FUT8: variants seen among roughly 807,000 people sequenced by gnomAD.
FUT8 encodes fucosyltransferase 8.
FUT8 carries 29 observed loss-of-function variants against 71.3 expected under a neutral mutation model. The observed-to-expected ratio is 0.41, with a 90% CI of 0.30 to 0.55. The LOEUF is 0.55. FUT8 is among the 20% of genes least tolerant of loss of function. The probability of loss-of-function intolerance (pLI) is 0.34; values close to 1 mark genes in which losing one functional copy is unlikely to be tolerated. For missense variants in FUT8, 544 were observed against 702.1 expected, an observed-to-expected ratio of 0.77 and a Z score of 2.55; for synonymous variants, 254 against 239.3, an observed-to-expected ratio of 1.06 and a Z score of -0.57.
intron 2 of FUT8, chr14:65,471,164 T>C: frequency 6.9e-6 from 2 of 288,326 alleles, no homozygotes; most frequent in Non-Finnish European, 6.9e-6. Context: ...ACTATAGAAC[T>C]TTCCCCCTCA....
At chr14:65,731,897 T>A (rs1895999733) in intron 9 of FUT8, among the ~76,000 whole-genome samples, 1 of 152,230 alleles carries the variant, frequency 6.6e-6, no homozygotes, top group African/African-American at 2.4e-5. Context: ...TTTGTTTCAC[T>A]GAGCATCCAA....
intron 2 of FUT8, among the ~76,000 whole-genome samples, chr14:65,527,961 T>TG (rs1248837301): frequency 6.6e-6 from 1 of 152,116 alleles, no homozygotes; most frequent in Non-Finnish European, 1.5e-5. Context: ...CTGCCCCTAC[T>TG]GGGGGGTGCC....
intron 7 of FUT8, among the ~76,000 whole-genome samples, chr14:65,705,221 G>A (rs1397065982): frequency 6.6e-6 from 1 of 152,144 alleles, no homozygotes; most frequent in Non-Finnish European, 1.5e-5. Flanking sequence ...TCAAGTCCAA[G>A]AAGAGATCTC....
intron 6 of FUT8, among the ~76,000 whole-genome samples, chr14:65,649,699 T>G (rs1423244024): frequency 6.6e-6 from 1 of 152,228 alleles, no homozygotes; most frequent in Non-Finnish European, 1.5e-5. Flanking sequence ...CTATGAGAGT[T>G]CATTTCAAAT....
intron 2 of FUT8, among the ~76,000 whole-genome samples, chr14:65,524,821 A>G (rs1021444195): frequency 1.3e-5 from 2 of 152,156 alleles, no homozygotes; most frequent in Admixed American, 6.5e-5. Flanking sequence ...TTCTGCATCT[A>G]TTGAGATAAT....
At chr14:65,663,983 A>C (rs576900404) in intron 6 of FUT8, among the ~76,000 whole-genome samples, 44 of 152,258 alleles carry the variant, frequency 2.9e-4, no homozygotes, top group African/African-American at 4.6e-4. Context: ...AAGAAGAAGA[A>C]GACTAACATA....
At chr14:65,676,068 A>G (rs1892703842) in intron 7 of FUT8, among the ~76,000 whole-genome samples, 2 of 152,188 alleles carry the variant, frequency 1.3e-5, no homozygotes, top group Non-Finnish European at 2.9e-5. Context: ...TCCAAATTTC[A>G]AAACATTACC....
chr14:65,414,587 G>C (rs2065192036), intron 1 of FUT8, among the ~76,000 whole-genome samples: 1 of 152,188 alleles, frequency 6.6e-6, no homozygotes, highest in Non-Finnish European at 1.5e-5. Context: ...AAATACTACA[G>C]TAGTATTGAA....
At position 65,631,839 on chromosome 14, in the gene FUT8, C is replaced by T. The variant is rs577709416; in HGVS notation, c.597+2233C>T. ...CTGCACCCTATTTGTAGTCTTTCAT[C>T]GCTCGCTCCCCTCCCACCCGTCCCT... is the stretch of plus-strand genomic sequence containing the variant. On this transcript the variant is annotated intron_variant, in intron 6 of 10. Transcript: ENST00000673929. Among the ~76,000 whole-genome samples, 6 of 152,216 alleles carry T rather than the reference C, an allele frequency of 3.9e-5. 1 individual carries two copies. Among genetic ancestry groups the T allele is most frequent in the South Asian group, 2.1e-4 (1 of 4,816 alleles).
chr14:65,593,990 A>G lies in FUT8; in HGVS notation c.204-21988A>G, dbSNP rs112873494. Among the ~76,000 whole-genome samples the G allele has an allele frequency of 2.7e-3, 416 of 152,368 alleles. 3 individuals are homozygous for G. The highest frequency in any genetic ancestry group is 9.4e-3 in the African/African-American group (389 of 41,598). Reference sequence around the variant, plus strand: ...CTCCCAAAGTGCTGGGATTACAGGCATGAGCCACTGCTCCCGGCCTAAGAT... The same window carrying G: ...CTCCCAAAGTGCTGGGATTACAGGCGTGAGCCACTGCTCCCGGCCTAAGAT... On this transcript the variant is annotated intron_variant, in intron 3 of 10. Coordinates refer to ENST00000673929, the MANE Select transcript of FUT8 (RefSeq NM_001371533.1).
At chr14:65,721,393 A>G (rs1023379003) in intron 7 of FUT8, among the ~76,000 whole-genome samples, 21 of 152,224 alleles carry the variant, frequency 1.4e-4, no homozygotes, top group Non-Finnish European at 2.8e-4. Flanking sequence ...ATGAAAAGCT[A>G]GAAGTTTCGA....
chr14:65,450,661 G>T (rs1166508741), intron 1 of FUT8, among the ~76,000 whole-genome samples: 1 of 151,936 alleles, frequency 6.6e-6, no homozygotes, highest in African/African-American at 2.4e-5. Flanking sequence ...CTAAAATGGG[G>T]TTTTTCTTAC....
At chr14:65,526,450 G>T (rs560306620) in intron 2 of FUT8, among the ~76,000 whole-genome samples, 1 of 152,000 alleles carries the variant, frequency 6.6e-6, no homozygotes, top group Non-Finnish European at 1.5e-5. Flanking sequence ...TTGAGCCTAC[G>T]TGTGTCTCTT....
rs886576750 is a variant in FUT8 at position 65,433,035 on chromosome 14, C to T, written c.-326+19821C>T. ...CCTCTCTTGGGATCTGGATTAGGAC[C>T]CCTTTCCTGTAACATGTTTCTCTGT... On this transcript the variant is annotated intron_variant, in intron 1 of 10. Transcript: ENST00000673929. 2.6e-5 allele frequency among the ~76,000 whole-genome samples: 4 copies of T among 152,072 alleles called. 1 individual carries two copies. Among genetic ancestry groups the T allele is most frequent in the Non-Finnish European group, 5.9e-5 (4 of 68,030 alleles).
At chr14:65,629,723 A>G (rs2140262519) in intron 6 of FUT8, 117 bp downstream of exon 6, 2 of 673,440 alleles carry the variant, frequency 3.0e-6, no homozygotes, top group East Asian at 5.5e-5. Flanking sequence ...CAGTACTCAC[A>G]CATTTTACAT....
At chr14:65,528,832 A>G (rs1883719020) in intron 2 of FUT8, 1 of 152,188 alleles carries the variant, frequency 6.6e-6, no homozygotes, top group Non-Finnish European at 1.5e-5. Flanking sequence ...AATTTAATTT[A>G]GATATCATCA....
At chr14:65,500,564 C>T (rs192465967) in intron 2 of FUT8, among the ~76,000 whole-genome samples, 99 of 152,310 alleles carry the variant, frequency 6.5e-4, no homozygotes, top group African/African-American at 2.2e-3. Context: ...AACTCTTAAA[C>T]TGGAAGGCAG....
At chr14:65,710,016 A>C (rs1894736528) in intron 7 of FUT8, among the ~76,000 whole-genome samples, 1 of 152,174 alleles carries the variant, frequency 6.6e-6, no homozygotes, top group African/African-American at 2.4e-5. Context: ...TCTCTTTTTC[A>C]GTTGGTTTCA....
chr14:65,455,594 A>G (rs943274076), intron 1 of FUT8, 27 bp from the exon 2 acceptor site: 1 of 398,022 alleles, frequency 2.5e-6, no homozygotes, highest in Non-Finnish European at 4.4e-6. Flanking sequence ...GTAGGGCTGA[A>G]TTTCATATAT....
Sources: gnomAD v4.1 joint callset for allele counts (sites outside exome capture counted in the v4.1 genomes callset) on GRCh38, gnomAD v4.1.1 for gene constraint, MANE v1.5 for transcripts, NCBI Gene and HGNC (gene_info 2026-07-23, HGNC 2026-07-21) for gene names.